The following COX7A1 variants were observed in gnomAD, a reference collection of about 807,000 sequenced individuals.
COX7A1 encodes the protein cytochrome c oxidase subunit 7A1, mitochondrial.
In COX7A1, 21 loss-of-function variants were observed where a neutral mutation model predicts 13.2. The observed-to-expected ratio is 1.59, with a 90% CI of 1.13 to 2.29. COX7A1 has a LOEUF of 2.29. Ranked by LOEUF, COX7A1 falls within the 30% of genes most tolerant of loss-of-function variation. The pLI is 0.00. For synonymous variants in COX7A1, 41 were observed against 41.9 expected (o/e 0.98, Z 0.08); for missense variants, 107 against 100.0 (o/e 1.07, Z -0.30).
intron 2 of COX7A1, 24 bp downstream of exon 2, chr19:36,151,645 T>TGGCCCCCCCCC: frequency 1.4e-6 from 2 of 1,387,622 alleles, no homozygotes; most frequent in South Asian, 1.2e-5. Context: ...GCGCGTCGGA[T>TGGCCCCCCCCC]CCCCACCCCC....
At chr19:36,151,151 C>T in intron 3 of COX7A1, 117 bp from the exon 4 acceptor site, 2 of 1,053,448 alleles carry the variant, frequency 1.9e-6, no homozygotes, top group African/African-American at 1.6e-5. Context: ...CTAGTTCGGA[C>T]TCCAGCTCCC....
At position 36,151,489 on chromosome 19, in the gene COX7A1, G is replaced by A. The variant is rs1901948353; in HGVS notation, c.160C>T (p.Arg54Ter). ...CCCAGACACAGCGTCATTGTCACTC[G>A]GTACAGGATGTTGTCAACGATGCCG... is the stretch of plus-strand genomic sequence containing the variant. ...KGGIVDNILY[R>*]VTMTLCLGGT... Residue 54 changes from arginine (R) to a stop codon, truncating the protein, a stop_gained, in exon 3 of 4, where the codon CGA (arginine) becomes TGA (stop). Coordinates refer to ENST00000292907, the MANE Select transcript of COX7A1 (RefSeq NM_001864.4). LOFTEE classifies it high-confidence loss of function. 4 of 1,614,068 alleles carry A rather than the reference G, an allele frequency of 2.5e-6. No homozygotes were observed. Among genetic ancestry groups the A allele is most frequent in the Non-Finnish European group, 3.4e-6 (4 of 1,180,034 alleles).
intron 1 of COX7A1, 76 bp downstream of exon 1, chr19:36,152,317 G>C: frequency 1.8e-6 from 2 of 1,113,176 alleles, no homozygotes; most frequent in Non-Finnish European, 1.2e-6. Flanking sequence ...CCTAGATGCG[G>C]GGGCACTTGG....
chr19:36,151,530 G>C lies in COX7A1; in HGVS notation c.119C>G (p.Pro40Arg). ...AACGATGCCGCCCTTCAGGTACAAC[G>C]GGATGTCATTGTCCTCCTGGATGTG... ...QKLFQEDNDI[P>R]LYLKGGIVDN... The change falls in exon 3 of 4, where the codon CCG (proline) becomes CGG (arginine). Residue 40 changes from proline to arginine, a missense_variant. By Grantham distance (103) the Pro-to-Arg change is moderately radical (BLOSUM62 -2). Transcript: ENST00000292907. 1.2e-6 allele frequency: 2 copies of C among 1,614,176 alleles called. No homozygotes were observed. Among genetic ancestry groups the C allele is most frequent in the Non-Finnish European group, 1.7e-6 (2 of 1,180,022 alleles).
chr19:36,151,618 C>A, intron 2 of COX7A1, 51 bp downstream of exon 2: 2 of 1,609,476 alleles, frequency 1.2e-6, no homozygotes, highest in Non-Finnish European at 1.7e-6. Context: ...TGCCCCGGCT[C>A]GGCGCGCTCC....
At chr19:36,151,828 G>T in intron 1 of COX7A1, 73 bp from the exon 2 acceptor site, 1 of 1,311,986 alleles carries the variant, frequency 7.6e-7, no homozygotes, top group Non-Finnish European at 1.1e-6. Flanking sequence ...CGCTCTCTGA[G>T]GCCTGGACGT....
rs1974774803 is a variant in COX7A1 at position 36,151,694 on chromosome 19, A to C, written c.77T>G (p.Val26Gly). 8.1e-7 allele frequency: 1 copy of C among 1,241,460 alleles called. No individual in the cohort carries two copies. The highest frequency in any genetic ancestry group is 2.1e-5 in the Admixed American group (1 of 47,620). The allele number at this position is 1,241,460 out of a possible 1,614,324, so 76.9% of individuals were successfully genotyped here. A position where few individuals can be genotyped will look rare whatever the true frequency, so the allele number is the denominator to read the frequency against. ...STARNRFQNRVREKQKLFQED... is the reference protein window; with the variant it reads ...STARNRFQNRGREKQKLFQED... ...CTGGAAGAGCTTCTGTTTCTCGCGC[A>C]CTCGGTTCTGAAAGCGGTTCCGGGC... The change falls in exon 2 of 4, where the codon GTG (valine) becomes GGG (glycine). Residue 26 changes from valine (V) to glycine (G), a missense_variant. Coordinates refer to ENST00000292907, the MANE Select transcript of COX7A1 (RefSeq NM_001864.4).
At chr19:36,151,229 C>G (rs1162131310) in intron 3 of COX7A1, among the ~76,000 whole-genome samples, 195 bp from the exon 4 acceptor site, 1 of 152,126 alleles carries the variant, frequency 6.6e-6, no homozygotes, top group Non-Finnish European at 1.5e-5. Flanking sequence ...AGCTTTCTCC[C>G]CGACTCCTCC....
chr19:36,151,051 T>C lies in COX7A1; in HGVS notation c.188-17A>G, dbSNP rs1299000584. ...AGACAGTGCCTAGAAAGGGGAAGCG[T>C]TGGAGACAGAATGAGACCTAATCCC... is the stretch of plus-strand genomic sequence containing the variant. On this transcript the variant is annotated splice_polypyrimidine_tract_variant and intron_variant, in intron 3 of 3. Coordinates refer to ENST00000292907, the MANE Select transcript of COX7A1 (RefSeq NM_001864.4). 4 of 1,612,570 alleles carry C rather than the reference T, an allele frequency of 2.5e-6. No homozygotes were observed. The highest frequency in any genetic ancestry group is 1.3e-5 in the African/African-American group (1 of 74,830).
intron 1 of COX7A1, chr19:36,152,105 G>C (rs754845660): frequency 1.7e-6 from 1 of 594,300 alleles, no homozygotes; most frequent in African/African-American, 1.9e-5. Flanking sequence ...GACCGGAATG[G>C]AGGTCCCCGG....
intron 2 of COX7A1, 27 bp downstream of exon 2, chr19:36,151,642 G>C: frequency 6.4e-7 from 1 of 1,573,546 alleles, no homozygotes; most frequent in Non-Finnish European, 8.6e-7. Context: ...CTGGCGCGTC[G>C]GATCCCCACC....
In COX7A1 at chr19:36,151,531, G is replaced by A. The variant is rs1974768770; in HGVS notation, c.118C>T (p.Pro40Ser). Residue 40 changes from proline (P) to serine (S), a missense_variant, in exon 3 of 4, where the codon CCG becomes TCG. Pro to Ser is a moderately conservative substitution (Grantham distance 74). Coordinates refer to ENST00000292907, the MANE Select transcript of COX7A1 (RefSeq NM_001864.4). Reference protein sequence around the residue: ...QKLFQEDNDIPLYLKGGIVDN... With the variant: ...QKLFQEDNDISLYLKGGIVDN... ...ACGATGCCGCCCTTCAGGTACAACG[G>A]GATGTCATTGTCCTCCTGGATGTGG... 1.9e-6 allele frequency: 3 copies of A among 1,614,062 alleles called. No individual in the cohort carries two copies. Among genetic ancestry groups the A allele is most frequent in the South Asian group, 1.1e-5 (1 of 91,090 alleles).
At chr19:36,151,844 C>T (rs1974778225) in intron 1 of COX7A1, 89 bp from the exon 2 acceptor site, 3 of 1,147,778 alleles carry the variant, frequency 2.6e-6, no homozygotes, top group African/African-American at 3.1e-5. Flanking sequence ...GACGTGGGGA[C>T]AGCCCCATCC....
chr19:36,152,367 T>C (rs1464755074), intron 1 of COX7A1, 26 bp downstream of exon 1: 2 of 1,329,950 alleles, frequency 1.5e-6, no homozygotes, highest in Non-Finnish European at 1.9e-6. Context: ...GGTGGGGGGC[T>C]CCGGCCCAGC....
chr19:36,151,798 G>A (rs1348644472), intron 1 of COX7A1, 43 bp from the exon 2 acceptor site: 9 of 1,527,736 alleles, frequency 5.9e-6, no homozygotes, highest in Non-Finnish European at 6.2e-6. Flanking sequence ...CACCTGGAGG[G>A]GTGTCCTGAA....
At position 36,152,394 on chromosome 19, in the gene COX7A1, C is replaced by A. The variant is rs144805768; in HGVS notation, c.14G>T (p.Arg5Leu). 136 of 1,365,974 alleles carry A rather than the reference C, an allele frequency of 1.0e-4. No homozygotes were observed. The highest frequency in any genetic ancestry group is 1.2e-4 in the Non-Finnish European group (130 of 1,049,068). 84.6% of individuals were successfully genotyped at this position (1,365,974 alleles called of 1,614,324 possible). A position where few individuals can be genotyped will look rare whatever the true frequency, so the allele number is the denominator to read the frequency against. Residue 5 changes from arginine to leucine, a missense_variant and splice_region_variant, in exon 1 of 4, where the codon CGG becomes CTG. Arg to Leu is a moderately radical substitution (Grantham distance 102). Coordinates refer to ENST00000292907, the MANE Select transcript of COX7A1 (RefSeq NM_001864.4). MQALRVSQALIRSFS... is the reference protein window; with the variant it reads MQALLVSQALIRSFS... Reference sequence around the variant, plus strand: ...CGGCCCAGCCCATGGGGGCCTCACCCGAAGGGCCTGCATTCTGCCTTGTCC... The same window carrying A: ...CGGCCCAGCCCATGGGGGCCTCACCAGAAGGGCCTGCATTCTGCCTTGTCC...
At chr19:36,152,084 G>A in intron 1 of COX7A1, 2 of 596,580 alleles carry the variant, frequency 3.4e-6, no homozygotes, top group Non-Finnish European at 6.1e-6. Context: ...ACCAGGTCCC[G>A]GGAACGTGGG....
At chr19:36,152,350 T>C in intron 1 of COX7A1, 43 bp downstream of exon 1, 1 of 1,309,532 alleles carries the variant, frequency 7.6e-7, no homozygotes, top group South Asian at 2.6e-5. Flanking sequence ...TAGGGCGGGG[T>C]TTTCTGGGTG....
intron 3 of COX7A1, 33 bp downstream of exon 3, chr19:36,151,429 C>T (rs1293318320): frequency 1.9e-6 from 3 of 1,612,270 alleles, no homozygotes; most frequent in African/African-American, 2.7e-5. Context: ...CCAGCCCCGC[C>T]TCCCCCGCAG....
Sources: gnomAD v4.1 joint callset for allele counts (sites outside exome capture counted in the v4.1 genomes callset) on GRCh38, gnomAD v4.1.1 for gene constraint, MANE v1.5 for transcripts, NCBI Gene and HGNC (gene_info 2026-07-23, HGNC 2026-07-21) for gene names.